Variants in DGKI observed in about 807,000 individuals in gnomAD.
DGKI encodes diacylglycerol kinase iota.
DGKI carries 55 observed loss-of-function variants against 147.5 expected under a neutral mutation model. The observed-to-expected ratio is 0.37, with a 90% CI of 0.30 to 0.47. The LOEUF (loss-of-function observed/expected upper bound fraction) is 0.47, where lower values mean the gene tolerates loss of function less well. Ranked by LOEUF, DGKI falls within the 20% of genes least tolerant of loss-of-function variation. The pLI is 1.00. For synonymous variants in DGKI, 469 were observed against 477.1 expected, an observed-to-expected ratio of 0.98 and a Z score of 0.22; for missense variants, 1,007 against 1,323.8, an observed-to-expected ratio of 0.76 and a Z score of 3.71.
At position 137,720,833 on chromosome 7, in the gene DGKI, C is replaced by T. The variant is rs548216191; in HGVS notation, c.402-30831G>A. Among the ~76,000 whole-genome samples, 3 of 152,216 alleles carry T rather than the reference C, an allele frequency of 2.0e-5. No homozygotes were observed. In the South Asian group the frequency reaches 6.2e-4, roughly 32 times the overall value. On this transcript the variant is annotated intron_variant, in intron 1 of 32. Transcript: ENST00000614521. ...TATTTTTAACATATTATTATTTTAACAGGTAATGCATACAAATTTAAAAAT... is the reference window on the plus strand; with the variant it reads ...TATTTTTAACATATTATTATTTTAATAGGTAATGCATACAAATTTAAAAAT...
intron 21 of DGKI, among the ~76,000 whole-genome samples, chr7:137,508,466 T>C (rs773510229): frequency 1.3e-5 from 2 of 152,104 alleles, no homozygotes; most frequent in Non-Finnish European, 2.9e-5. Flanking sequence ...GACCTCGTGA[T>C]CTGTCCACCT....
At chr7:137,506,453 G>C (rs932554091) in intron 21 of DGKI, among the ~76,000 whole-genome samples, 2 of 152,272 alleles carry the variant, frequency 1.3e-5, no homozygotes, top group East Asian at 3.9e-4. Context: ...CTTGGGAGAG[G>C]AAGGGAGAAA....
rs564883649 is a variant in DGKI at position 137,628,144 on chromosome 7, A to G, written c.805-4590T>C. On this transcript the variant is annotated intron_variant, in intron 6 of 32. Coordinates refer to ENST00000614521, the MANE Select transcript of DGKI (RefSeq NM_001321708.2). ...TAAGTGATGCTCTACTCAATGATATAGGGTGAGTGTATCTAGCCCCACCTC... is the reference window on the plus strand; with the variant it reads ...TAAGTGATGCTCTACTCAATGATATGGGGTGAGTGTATCTAGCCCCACCTC... 4.6e-5 allele frequency among the ~76,000 whole-genome samples: 7 copies of G among 152,294 alleles called. No individual in the cohort carries two copies. In the South Asian group the frequency reaches 1.2e-3, roughly 27 times the overall value.
chr7:137,623,547 T>G lies in DGKI; in HGVS notation c.812A>C (p.Gln271Pro). Residue 271 changes from glutamine (Q) to proline (P), a missense_variant, in exon 7 of 33, where the codon CAG becomes CCG. Around this residue, in one of 5 missense-constraint regions of DGKI, gnomAD observed 259 missense variants for 362.5 expected, o/e 0.71. Transcript: ENST00000614521. ...TTTACTGTGGAAGGAGAACTTTTGC[T>G]GGAAGCCCTGGGATATTAGAACAAG... ...GKCKQCGKGF[Q>P]QKFSFHSKEI... 3 of 1,613,950 alleles carry G rather than the reference T, an allele frequency of 1.9e-6. No homozygotes were observed. Among genetic ancestry groups the G allele is most frequent in the South Asian group, 1.1e-5 (1 of 91,076 alleles).
At chr7:137,423,291 G>A (rs375376159) in intron 28 of DGKI, among the ~76,000 whole-genome samples, 25 of 152,174 alleles carry the variant, frequency 1.6e-4, no homozygotes, top group Admixed American at 2.0e-4. Context: ...AGCTTCAGGC[G>A]TTGGCTTTAC....
chr7:137,679,757 G>A (rs1229982131), intron 2 of DGKI, among the ~76,000 whole-genome samples: 1 of 151,988 alleles, frequency 6.6e-6, no homozygotes, highest in Non-Finnish European at 1.5e-5. Flanking sequence ...GGAGGCCGAG[G>A]TGGGCAGAAC....
At chr7:137,601,009 T>A (rs1020877397) in intron 10 of DGKI, among the ~76,000 whole-genome samples, 1 of 151,504 alleles carries the variant, frequency 6.6e-6, no homozygotes, top group Admixed American at 6.6e-5. Flanking sequence ...CGGTGGCTCA[T>A]GCCTGTAATC....
intron 2 of DGKI, among the ~76,000 whole-genome samples, chr7:137,682,850 G>A (rs962896333): frequency 6.6e-6 from 1 of 152,134 alleles, no homozygotes; most frequent in Non-Finnish European, 1.5e-5. Context: ...TTGGTGAGAT[G>A]TCAGAGTGAT....
At chr7:137,721,920 G>A in intron 1 of DGKI, 1 of 1,004,250 alleles carries the variant, frequency 1.0e-6, no homozygotes, top group Non-Finnish European at 1.4e-6. Context: ...CATCAAGCCA[G>A]CTAATACTCC....
rs186705678 is a variant in DGKI, at chr7:137,742,229, C to T, written c.402-52227G>A. ...TCCCAAACTGATGACTGCCATCCCT[C>T]CTTCCACCCCCAACCCCCACCCACC... On this transcript the variant is annotated intron_variant, in intron 1 of 32. Coordinates refer to ENST00000614521, the MANE Select transcript of DGKI (RefSeq NM_001321708.2). 3.3e-5 allele frequency among the ~76,000 whole-genome samples: 5 copies of T among 152,242 alleles called. No homozygotes were observed. The East Asian group carries it at 7.7e-4, about 24-fold the overall frequency.
intron 21 of DGKI, among the ~76,000 whole-genome samples, chr7:137,497,574 A>T (rs989284046): frequency 6.6e-6 from 1 of 152,176 alleles, no homozygotes; most frequent in Non-Finnish European, 1.5e-5. Flanking sequence ...GATAAAGAAA[A>T]TGTGGGACAT....
chr7:137,846,607 C>CGCCCTCGGCGCCCAGGCAGCA lies in DGKI; in HGVS notation c.235_255dup (p.Cys79_Gly85dup). Reference sequence around the variant, plus strand: ...GACCCTGCGCCCCGCGGGTCCGCGCCGCCCTCGGCGCCCAGGCAGCAGCTC... The same window carrying CGCCCTCGGCGCCCAGGCAGCA: ...GACCCTGCGCCCCGCGGGTCCGCGCCGCCCTCGGCGCCCAGGCAGCAGCCCTCGGCGCCCAGGCAGCAGCTC... On this transcript the variant is annotated inframe_insertion, in exon 1 of 33. Transcript: ENST00000614521. The surrounding 1 kb of genome is among the most constrained non-coding windows in gnomAD (Gnocchi z 4.0). 3.6e-6 allele frequency: 4 copies of CGCCCTCGGCGCCCAGGCAGCA among 1,098,566 alleles called. No individual in the cohort carries two copies. The highest frequency in any genetic ancestry group is 4.4e-6 in the Non-Finnish European group (4 of 908,282). 68.1% of individuals were successfully genotyped at this position (1,098,566 alleles called of 1,614,324 possible).
chr7:137,615,820 A>G (rs1344360455), intron 8 of DGKI, among the ~76,000 whole-genome samples: 2 of 152,094 alleles, frequency 1.3e-5, no homozygotes, highest in Non-Finnish European at 2.9e-5. Context: ...ATAGAATTTA[A>G]CATTGGTGTC....
intron 20 of DGKI, among the ~76,000 whole-genome samples, chr7:137,540,711 T>C (rs1817661008): frequency 7.2e-6 from 1 of 139,222 alleles, no homozygotes; most frequent in African/African-American, 2.7e-5. Context: ...TCCATAGTAT[T>C]TCTATATACT....
intron 1 of DGKI, among the ~76,000 whole-genome samples, chr7:137,750,531 C>T (rs576853904): frequency 5.4e-4 from 82 of 152,276 alleles, no homozygotes; most frequent in African/African-American, 1.8e-3. Flanking sequence ...GGTTCCCTCC[C>T]TCCATTACCT....
chr7:137,664,731 G>T (rs1357955704), intron 3 of DGKI, among the ~76,000 whole-genome samples: 1 of 152,150 alleles, frequency 6.6e-6, no homozygotes, highest in African/African-American at 2.4e-5. Context: ...ATCAGACACC[G>T]TGCCCAGCCC....
chr7:137,565,862 G>C (rs1213592983), intron 19 of DGKI, among the ~76,000 whole-genome samples: 3 of 152,090 alleles, frequency 2.0e-5, no homozygotes, highest in African/African-American at 7.2e-5. Context: ...TTAATTAGCA[G>C]GAATGCATTT....
At chr7:137,490,677 C>T (rs1482035505) in intron 21 of DGKI, among the ~76,000 whole-genome samples, 2 of 152,228 alleles carry the variant, frequency 1.3e-5, no homozygotes, top group African/African-American at 4.8e-5. Flanking sequence ...CTTCCTTCTA[C>T]ACTATGGTTA....
At chr7:137,763,235 C>G (rs944975493) in intron 1 of DGKI, among the ~76,000 whole-genome samples, 1 of 152,166 alleles carries the variant, frequency 6.6e-6, no homozygotes, top group Non-Finnish European at 1.5e-5. Flanking sequence ...CTGGAGAGGC[C>G]ATTCAAACAA....
Sources: gnomAD v4.1 joint callset for allele counts (sites outside exome capture counted in the v4.1 genomes callset) on GRCh38, gnomAD v4.1.1 for gene constraint, gnomAD v4.1.1 regional missense constraint, Gnocchi (gnomAD v3.1) non-coding constraint, MANE v1.5 for transcripts, NCBI Gene and HGNC (gene_info 2026-07-23, HGNC 2026-07-21) for gene names.